NRG2: variants seen among roughly 807,000 people sequenced by gnomAD.
NRG2 encodes the protein neuregulin 2, also known as pro-neuregulin-2, membrane-bound isoform.
In NRG2, 27 loss-of-function variants were observed where a neutral mutation model predicts 73.9. That is an observed-to-expected ratio of 0.37 (90% CI 0.27 to 0.50). NRG2 has a LOEUF of 0.50. Among genes scored for constraint, NRG2 ranks in the 20% least tolerant of loss-of-function variants. NRG2 has a pLI of 0.96. For missense variants in NRG2, 1,126 were observed against 1,210.1 expected (o/e 0.93, Z 1.03); for synonymous variants, 532 against 541.0 (o/e 0.98, Z 0.23).
At chr5:139,855,551 T>G (rs1304306093) in intron 6 of NRG2, 125 bp downstream of exon 6, 6 of 781,924 alleles carry the variant, frequency 7.7e-6, no homozygotes, top group Non-Finnish European at 1.3e-5. Flanking sequence ...CCCCGAGGGG[T>G]AGTTGGGGCC....
chr5:139,985,332 T>C lies in NRG2; in HGVS notation c.700+57038A>G, dbSNP rs139671463. On this transcript the variant is annotated intron_variant, in intron 1 of 9. Coordinates refer to ENST00000361474, the MANE Select transcript of NRG2 (RefSeq NM_004883.3). ...TCTAGCCTGGGTGACAGAGCAAGAC[T>C]CGGTCTCAAAAAAAAAAAAAAAAAG... Among the ~76,000 whole-genome samples the C allele has an allele frequency of 3.9e-3, 563 of 145,550 alleles. 3 individuals are homozygous for C. The highest frequency in any genetic ancestry group is 0.014 in the African/African-American group (549 of 39,078).
At chr5:139,897,492 G>A (rs987875471) in intron 1 of NRG2, among the ~76,000 whole-genome samples, 4 of 152,080 alleles carry the variant, frequency 2.6e-5, no homozygotes, top group African/African-American at 4.8e-5. Flanking sequence ...CGCTCTTCTC[G>A]GGGCTTCTCA....
intron 2 of NRG2, among the ~76,000 whole-genome samples, chr5:139,886,531 C>A (rs1763883907): frequency 6.6e-6 from 1 of 152,214 alleles, no homozygotes; most frequent in Non-Finnish European, 1.5e-5. Context: ...GCTCCTCAGT[C>A]AGAGAGGGAA....
At chr5:139,860,940 C>A (rs932407391) in intron 5 of NRG2, among the ~76,000 whole-genome samples, 6 of 152,154 alleles carry the variant, frequency 3.9e-5, no homozygotes, top group Non-Finnish European at 8.8e-5. Context: ...CCTGGCTGAG[C>A]TTCTGAATTG....
At chr5:140,021,270 A>G (rs1760202245) in intron 1 of NRG2, among the ~76,000 whole-genome samples, 1 of 152,166 alleles carries the variant, frequency 6.6e-6, no homozygotes, top group African/African-American at 2.4e-5. Flanking sequence ...TGACAAATGG[A>G]GTTTAAACTG....
intron 1 of NRG2, among the ~76,000 whole-genome samples, chr5:139,966,198 T>G (rs953363361): frequency 1.3e-5 from 2 of 152,164 alleles, no homozygotes; most frequent in African/African-American, 4.8e-5. Context: ...ACAGGAGTGA[T>G]GCACCTAAAC....
chr5:139,990,635 A>G (rs1757549566), intron 1 of NRG2, among the ~76,000 whole-genome samples: 1 of 152,150 alleles, frequency 6.6e-6, no homozygotes, highest in Admixed American at 6.5e-5. Flanking sequence ...AGATCCTATG[A>G]TTCTAACTTC....
intron 1 of NRG2, among the ~76,000 whole-genome samples, chr5:139,934,567 G>T (rs1012947883): frequency 1.3e-5 from 2 of 152,014 alleles, no homozygotes; most frequent in Admixed American, 1.3e-4. Context: ...AAAAAACAAA[G>T]AACAGATGAG....
At position 139,881,020 on chromosome 5, in the gene NRG2, G is replaced by A. The variant is rs376843845; in HGVS notation, c.873-46C>T. 262 of 1,534,474 alleles carry A rather than the reference G, an allele frequency of 1.7e-4. 1 individual carries two copies. The highest frequency in any genetic ancestry group is 1.9e-4 in the Non-Finnish European group (211 of 1,108,294). On this transcript the variant is annotated intron_variant, in intron 2 of 9. Transcript: ENST00000361474. ...AGGGGGAGAGGCGTGAGCCAGGGCC[G>A]GCTGTGGCTCCCCAGCAGTCACCCA...
chr5:140,017,920 C>T lies in NRG2; in HGVS notation c.700+24450G>A, dbSNP rs1759925413. On this transcript the variant is annotated intron_variant, in intron 1 of 9. Transcript: ENST00000361474. ...TCCTGAGAAGGTGAGAAGGGATGGA[C>T]CACAGGACATAGTGGGAGGACTGGC... 2.6e-5 allele frequency among the ~76,000 whole-genome samples: 4 copies of T among 152,120 alleles called. No homozygotes were observed. The Middle Eastern group carries it at 0.01, about 388-fold the overall frequency.
At position 139,880,936 on chromosome 5, in the gene NRG2, T is replaced by G. The variant is rs770642828; in HGVS notation, c.911A>C (p.Glu304Ala). The G allele has an allele frequency of 1.2e-5, 20 of 1,614,192 alleles. No homozygotes were observed. The highest frequency in any genetic ancestry group is 1.7e-5 in the Non-Finnish European group (20 of 1,180,012). The change falls in exon 3 of 10, where the codon GAG becomes GCG. Residue 304 changes from glutamate (E) to alanine (A), a missense_variant. Around this residue, in one of 3 missense-constraint regions of NRG2, gnomAD observed 539 missense variants for 703.2 expected, o/e 0.77. Transcript: ENST00000361474. ...SRLQFNKVKV[E>A]DAGEYVCEAE... ...CTCGCAGACATACTCCCCAGCGTCC[T>G]CCACCTTCACCTTGTTGAACTGTAG... is the stretch of plus-strand genomic sequence containing the variant.
At chr5:140,024,425 T>TA (rs1409454993) in intron 1 of NRG2, among the ~76,000 whole-genome samples, 1 of 152,096 alleles carries the variant, frequency 6.6e-6, no homozygotes, top group Non-Finnish European at 1.5e-5. Context: ...CGGCTAAGTT[T>TA]TTGTAATTTT....
At chr5:139,972,916 G>A (rs895780821) in intron 1 of NRG2, among the ~76,000 whole-genome samples, 2 of 152,108 alleles carry the variant, frequency 1.3e-5, no homozygotes, top group Non-Finnish European at 2.9e-5. Context: ...TTATTAAAAT[G>A]TTAACCTAAA....
intron 1 of NRG2, among the ~76,000 whole-genome samples, chr5:139,890,319 G>A (rs779485435): frequency 6.6e-6 from 1 of 152,056 alleles, no homozygotes. Context: ...TTTTCCTATC[G>A]AGTGCTCATC....
intron 1 of NRG2, among the ~76,000 whole-genome samples, chr5:139,994,837 G>C (rs892851441): frequency 5.3e-5 from 8 of 152,134 alleles, no homozygotes; most frequent in African/African-American, 1.9e-4. Flanking sequence ...GATTCAGAGA[G>C]GGGTATGCAG....
chr5:139,966,749 G>C (rs1755552049), intron 1 of NRG2, among the ~76,000 whole-genome samples: 1 of 152,148 alleles, frequency 6.6e-6, no homozygotes, highest in Non-Finnish European at 1.5e-5. Flanking sequence ...AGGACCTGGA[G>C]GGCCTGGGAA....
chr5:139,864,132 C>T (rs940316070), intron 5 of NRG2, among the ~76,000 whole-genome samples: 5 of 152,082 alleles, frequency 3.3e-5, no homozygotes, highest in South Asian at 4.2e-4. Flanking sequence ...AAGAGGAGGT[C>T]GGGGGGCACG....
chr5:140,014,946 T>C lies in NRG2; in HGVS notation c.700+27424A>G, dbSNP rs1759654045. On this transcript the variant is annotated intron_variant, in intron 1 of 9. Coordinates refer to ENST00000361474, the MANE Select transcript of NRG2 (RefSeq NM_004883.3). ...TCATTCTACTGTAGCCATATGGGCC[T>C]TTTTGCTGTTCCCCAAACATGCCAG... 2.6e-5 allele frequency among the ~76,000 whole-genome samples: 4 copies of C among 152,180 alleles called. No homozygotes were observed. The South Asian group carries it at 8.3e-4, about 32-fold the overall frequency.
intron 1 of NRG2, among the ~76,000 whole-genome samples, chr5:139,991,231 G>A (rs1757605425): frequency 1.3e-5 from 2 of 151,732 alleles, no homozygotes; most frequent in South Asian, 4.2e-4. Flanking sequence ...AGCCAAGATC[G>A]CACCACTGCA....
Sources: allele counts gnomAD v4.1 joint callset (sites outside exome capture counted in the v4.1 genomes callset), GRCh38; gene constraint gnomAD v4.1.1; regional missense constraint gnomAD v4.1.1; transcripts MANE v1.5; gene names NCBI Gene and HGNC (gene_info 2026-07-23, HGNC 2026-07-21).